ITGA9: variants seen among roughly 807,000 people sequenced by gnomAD.
ITGA9 encodes the protein integrin alpha-9.
Under a neutral mutation model 127.8 loss-of-function variants are expected in ITGA9, and 56 were observed. The observed-to-expected ratio is 0.44, with a 90% CI of 0.35 to 0.55. The LOEUF (loss-of-function observed/expected upper bound fraction) is 0.55. ITGA9 is among the 20% of genes least tolerant of loss of function. The probability of loss-of-function intolerance (pLI) is 0.00; values close to 1 mark genes in which losing one functional copy is unlikely to be tolerated. For synonymous variants in ITGA9, 508 were observed against 514.5 expected (o/e 0.99, Z 0.17); for missense variants, 1,196 against 1,347.1 (o/e 0.89, Z 1.76).
chr3:37,630,262 A>AT (rs75677256), intron 16 of ITGA9, among the ~76,000 whole-genome samples: 28,185 of 152,046 alleles, frequency 0.19, 2,691 homozygotes, highest in East Asian at 0.23. Context: ...AAGTGCTGAG[A>AT]TTTTTACCAA....
At chr3:37,816,636 A>G (rs1422825840) in intron 27 of ITGA9, among the ~76,000 whole-genome samples, 1 of 152,164 alleles carries the variant, frequency 6.6e-6, no homozygotes, top group Admixed American at 6.5e-5. Flanking sequence ...AATTATCCAG[A>G]AAATTCTGGC....
chr3:37,557,780 A>G (rs1008819231), intron 15 of ITGA9, among the ~76,000 whole-genome samples: 1 of 152,190 alleles, frequency 6.6e-6, no homozygotes, highest in African/African-American at 2.4e-5. Context: ...ATATACAGAA[A>G]ATTGTATCAG....
intron 15 of ITGA9, among the ~76,000 whole-genome samples, chr3:37,623,915 C>T (rs908308611): frequency 6.6e-6 from 1 of 152,010 alleles, no homozygotes; most frequent in African/African-American, 2.4e-5. Flanking sequence ...GAAGATTTCT[C>T]GTTTCTAGGA....
intron 3 of ITGA9, among the ~76,000 whole-genome samples, chr3:37,480,118 G>T (rs1698537207): frequency 6.6e-6 from 1 of 152,084 alleles, no homozygotes; most frequent in Non-Finnish European, 1.5e-5. Flanking sequence ...TAGAGTGTGT[G>T]CCTCTGAGTA....
At chr3:37,679,411 C>G (rs1284554665) in intron 17 of ITGA9, among the ~76,000 whole-genome samples, 3 of 152,198 alleles carry the variant, frequency 2.0e-5, no homozygotes, top group African/African-American at 4.8e-5. Context: ...CTTGCCAAAG[C>G]CCTTCCCGAC....
chr3:37,713,768 C>G (rs1297102036), intron 18 of ITGA9, among the ~76,000 whole-genome samples: 2 of 152,254 alleles, frequency 1.3e-5, no homozygotes, highest in East Asian at 3.8e-4. Context: ...CAGCAAGGGT[C>G]TCCTGGCCAG....
chr3:37,594,066 G>A (rs1277408297), intron 15 of ITGA9, among the ~76,000 whole-genome samples: 2 of 152,236 alleles, frequency 1.3e-5, no homozygotes, highest in Non-Finnish European at 2.9e-5. Flanking sequence ...CACCCACGCT[G>A]CTGCTGCCAC....
In ITGA9 at chr3:37,508,539, T is replaced by C. The variant is rs766643902; in HGVS notation, c.829-20T>C. The C allele has an allele frequency of 3.1e-6, 5 of 1,599,590 alleles. No individual in the cohort carries two copies. The highest frequency in any genetic ancestry group is 1.7e-4 in the Middle Eastern group (1 of 5,978). ...TCATTGATTTCATCCTAACTAGATT[T>C]TTTTTTTTTCATTCCATAGGTTTAT... On this transcript the variant is annotated intron_variant, in intron 7 of 27. Transcript: ENST00000264741.
At chr3:37,712,517 G>A (rs1399503879) in intron 18 of ITGA9, among the ~76,000 whole-genome samples, 1 of 152,192 alleles carries the variant, frequency 6.6e-6, no homozygotes, top group African/African-American at 2.4e-5. Flanking sequence ...CTAAATTGGT[G>A]TAGGTAAAAG....
At chr3:37,712,067 T>C (rs1559575721) in intron 18 of ITGA9, among the ~76,000 whole-genome samples, 1 of 152,226 alleles carries the variant, frequency 6.6e-6, no homozygotes, top group Admixed American at 6.5e-5. Flanking sequence ...TTTCTGGATT[T>C]ATTTTCACAA....
At chr3:37,774,271 C>T (rs1696878001) in intron 23 of ITGA9, among the ~76,000 whole-genome samples, 1 of 152,170 alleles carries the variant, frequency 6.6e-6, no homozygotes, top group African/African-American at 2.4e-5. Flanking sequence ...GGAATAATTA[C>T]CAAATCTTCA....
intron 26 of ITGA9, among the ~76,000 whole-genome samples, chr3:37,792,361 A>ACAAGAATTC (rs1697121722): frequency 6.6e-6 from 1 of 152,188 alleles, no homozygotes; most frequent in Non-Finnish European, 1.5e-5. Context: ...AAGGACGCAA[A>ACAAGAATTC]CAAGAATTCT....
intron 4 of ITGA9, among the ~76,000 whole-genome samples, chr3:37,485,482 C>T (rs1698599966): frequency 6.6e-6 from 1 of 152,080 alleles, no homozygotes; most frequent in Admixed American, 6.6e-5. Context: ...GTGATGCCTC[C>T]ACTGCATTTA....
intron 17 of ITGA9, among the ~76,000 whole-genome samples, chr3:37,660,971 G>A (rs1700527820): frequency 6.6e-6 from 1 of 152,210 alleles, no homozygotes; most frequent in Non-Finnish European, 1.5e-5. Context: ...TTAAGGCCTG[G>A]GCTCAGAACT....
chr3:37,455,417 G>A (rs891028135), intron 1 of ITGA9, among the ~76,000 whole-genome samples: 2 of 152,204 alleles, frequency 1.3e-5, no homozygotes, highest in Admixed American at 6.5e-5. Context: ...CCAGTGAAGT[G>A]TGTGTACTTT....
chr3:37,750,448 T>G lies in ITGA9; in HGVS notation c.2434-14T>G. 6.6e-7 allele frequency: 1 copy of G among 1,510,424 alleles called. No homozygotes were observed. Among genetic ancestry groups the G allele is most frequent in the East Asian group, 2.3e-5 (1 of 44,370 alleles). The allele number at this position is 1,510,424 out of a possible 1,614,324, so 93.6% of individuals were successfully genotyped here. A position where few individuals can be genotyped will look rare whatever the true frequency, so the allele number is the denominator to read the frequency against. On this transcript the variant is annotated splice_polypyrimidine_tract_variant and intron_variant, in intron 22 of 27. Transcript: ENST00000264741. ...TTTCCACTGAGACTTGCTGTGTGTG[T>G]TCCACACCCACAGGTCTACAACACT...
intron 7 of ITGA9, among the ~76,000 whole-genome samples, chr3:37,507,641 A>G (rs978306060): frequency 6.6e-6 from 1 of 152,172 alleles, no homozygotes; most frequent in African/African-American, 2.4e-5. Context: ...TGCTTCTTTC[A>G]ATTAGACCAC....
chr3:37,594,460 G>C (rs1177336093), intron 15 of ITGA9, among the ~76,000 whole-genome samples: 1 of 151,994 alleles, frequency 6.6e-6, no homozygotes, highest in African/African-American at 2.4e-5. Context: ...GTGAGGAGCA[G>C]ATAGAGTTTT....
At chr3:37,541,551 CTTCT>C (rs1288658881) in intron 14 of ITGA9, among the ~76,000 whole-genome samples, 2 of 151,232 alleles carry the variant, frequency 1.3e-5, no homozygotes, top group Admixed American at 6.6e-5. Context: ...CTTTTTTTTC[CTTCT>C]TTCTTTCTTC....
Sources: gnomAD v4.1 joint callset for allele counts (sites outside exome capture counted in the v4.1 genomes callset) on GRCh38, gnomAD v4.1.1 for gene constraint, MANE v1.5 for transcripts, NCBI Gene and HGNC (gene_info 2026-07-23, HGNC 2026-07-21) for gene names.